The following IFI44 variants were observed in gnomAD, a reference collection of about 807,000 sequenced individuals.
IFI44 encodes interferon-induced protein 44.
Under a neutral mutation model 45.0 loss-of-function variants are expected in IFI44, and 42 were observed. The ratio of observed to expected loss-of-function variants is 0.93; its 90% confidence interval spans 0.73 to 1.21. IFI44 has a LOEUF of 1.21. IFI44 is among the 50% of genes most tolerant of loss of function. The pLI, the probability that IFI44 is intolerant of heterozygous loss-of-function variation, is 0.00. For synonymous variants in IFI44, 221 were observed against 188.6 expected (o/e 1.17, Z -1.41); for missense variants, 623 against 525.8 (o/e 1.18, Z -1.81).
chr1:78,663,221 A>T (rs1251774367), intron 8 of IFI44: 32 of 985,066 alleles, frequency 3.2e-5, no homozygotes, highest in Non-Finnish European at 3.6e-5. Context: ...CTAGAACTGG[A>T]TTGGATTGGC....
intron 7 of IFI44, among the ~76,000 whole-genome samples, chr1:78,661,655 A>G (rs935362740): frequency 6.6e-6 from 1 of 152,168 alleles, no homozygotes; most frequent in Middle Eastern, 3.2e-3. Flanking sequence ...AAAGTTGACA[A>G]GAGATTATGT....
At chr1:78,661,783 G>A (rs1324874034) in intron 7 of IFI44, among the ~76,000 whole-genome samples, 2 of 152,050 alleles carry the variant, frequency 1.3e-5, no homozygotes, top group Non-Finnish European at 1.5e-5. Flanking sequence ...AACGGCACAG[G>A]GAAACGGCTT....
At chr1:78,652,229 A>G (rs557641086) in intron 2 of IFI44, among the ~76,000 whole-genome samples, 2 of 152,110 alleles carry the variant, frequency 1.3e-5, no homozygotes, top group Non-Finnish European at 2.9e-5. Flanking sequence ...TTACAGGCGG[A>G]CACCACCATC....
At position 78,659,385 on chromosome 1, in the gene IFI44, A is replaced by G. The variant is rs746402069; in HGVS notation, c.914A>G (p.His305Arg). The G allele has an allele frequency of 2.5e-6, 4 of 1,613,070 alleles. No individual in the cohort carries two copies. The highest frequency in any genetic ancestry group is 3.4e-6 in the Non-Finnish European group (4 of 1,179,230). Residue 305 changes from histidine (H) to arginine (R), a missense_variant, in exon 6 of 9, where the codon CAT becomes CGT. His to Arg is a conservative substitution (Grantham distance 29). Coordinates refer to ENST00000370747, the MANE Select transcript of IFI44 (RefSeq NM_006417.5). Reference sequence around the variant, plus strand: ...TCCCCATCGCTGAAGGACAGAATTCATTGTGTGGCATTTGTATTTGATGCC... The same window carrying G: ...TCCCCATCGCTGAAGGACAGAATTCGTTGTGTGGCATTTGTATTTGATGCC... ...IDSPSLKDRI[H>R]CVAFVFDASS...
chr1:78,654,453 G>A (rs1019732251), intron 3 of IFI44, among the ~76,000 whole-genome samples, 174 bp downstream of exon 3: 1 of 151,864 alleles, frequency 6.6e-6, no homozygotes, highest in African/African-American at 2.4e-5. Flanking sequence ...TTAAAAAAAA[G>A]GACACTGAGT....
intron 6 of IFI44, 114 bp from the exon 7 acceptor site, chr1:78,660,440 G>T: frequency 1.3e-6 from 1 of 745,848 alleles, no homozygotes; most frequent in Admixed American, 2.4e-5. Flanking sequence ...GGGTGTGGGG[G>T]ATCTTTCCAA....
In IFI44 at chr1:78,650,028, T is replaced by C. The variant is rs540686042; in HGVS notation, c.-11+123T>C. 18 of 470,236 alleles carry C rather than the reference T, an allele frequency of 3.8e-5. No individual in the cohort carries two copies. In the Admixed American group the frequency reaches 6.2e-4, roughly 16 times the overall value. The allele number at this position is 470,236 out of a possible 1,614,324, so 29.1% of individuals were successfully genotyped here. A position where few individuals can be genotyped will look rare whatever the true frequency, so the allele number is the denominator to read the frequency against. On this transcript the variant is annotated intron_variant, in intron 1 of 8. Coordinates refer to ENST00000370747, the MANE Select transcript of IFI44 (RefSeq NM_006417.5). ...TAATTTAAAAAACAATAATTTATAG[T>C]AAAAAATTAGCTAATGATTTTTTTG...
intron 5 of IFI44, among the ~76,000 whole-genome samples, chr1:78,657,115 A>T (rs1316520293): frequency 6.6e-6 from 1 of 151,966 alleles, no homozygotes; most frequent in Non-Finnish European, 1.5e-5. Flanking sequence ...TTCTCCTTAA[A>T]CATAGCCATA....
intron 5 of IFI44, among the ~76,000 whole-genome samples, chr1:78,658,621 C>T (rs1366197108): frequency 6.6e-6 from 1 of 152,094 alleles, no homozygotes; most frequent in Admixed American, 6.6e-5. Context: ...AATCTATCTT[C>T]CTTCTCTGCC....
At chr1:78,656,855 C>T (rs1389153220) in intron 5 of IFI44, among the ~76,000 whole-genome samples, 2 of 150,936 alleles carry the variant, frequency 1.3e-5, no homozygotes, top group African/African-American at 4.9e-5. Flanking sequence ...CTTGTAAATG[C>T]TGTTTATTTT....
intron 5 of IFI44, 115 bp downstream of exon 5, chr1:78,655,626 AG>A: frequency 1.0e-6 from 1 of 981,888 alleles, no homozygotes; most frequent in Non-Finnish European, 1.4e-6. Flanking sequence ...TGTCTCTTTT[AG>A]ATTTTTTTTT....
chr1:78,660,443 C>A, intron 6 of IFI44, 111 bp from the exon 7 acceptor site: 1 of 778,738 alleles, frequency 1.3e-6, no homozygotes, highest in Non-Finnish European at 2.1e-6. Flanking sequence ...TGTGGGGGAT[C>A]TTTCCAAATC....
rs553155997 is a variant in IFI44, at chr1:78,663,770, C to T, written c.1294C>T (p.Leu432=). The T allele has an allele frequency of 1.1e-5, 17 of 1,611,590 alleles. No individual in the cohort carries two copies. Among genetic ancestry groups the T allele is most frequent in the Middle Eastern group, 3.3e-4 (2 of 6,050 alleles). ...EDLPFEQIGN[L]REEIINCAQG... is the part of the protein sequence containing the mutation. ...TTTTGTGTTTCTTTTCTCAGGGAAT[C>T]TAAGGGAGGAAATTATCAACTGTGC... The change falls in exon 9 of 9, where the codon CTA becomes TTA. Residue 432 remains leucine (L), a synonymous_variant. Coordinates refer to ENST00000370747, the MANE Select transcript of IFI44 (RefSeq NM_006417.5).
intron 3 of IFI44, among the ~76,000 whole-genome samples, chr1:78,654,523 T>C (rs1339744955): frequency 6.6e-6 from 1 of 152,120 alleles, no homozygotes; most frequent in Non-Finnish European, 1.5e-5. Context: ...TTTGTATGTC[T>C]GTGTTTTGCT....
rs983599545 is a variant in IFI44, at chr1:78,663,983, T to A, written c.*172T>A. 2.0e-5 allele frequency: 9 copies of A among 441,672 alleles called. No homozygotes were observed. The highest frequency in any genetic ancestry group is 5.9e-4 in the Middle Eastern group (1 of 1,694). 27.4% of individuals were successfully genotyped at this position (441,672 alleles called of 1,614,324 possible). On this transcript the variant is annotated 3_prime_UTR_variant, in exon 9 of 9. Coordinates refer to ENST00000370747, the MANE Select transcript of IFI44 (RefSeq NM_006417.5). ...TACTTGTAAATAACTAGAAATAACA[T>A]GATTTAGTCATAATTGTGAAAAATA...
chr1:78,663,905 A>G lies in IFI44; in HGVS notation c.*94A>G, dbSNP rs1647616400. 2.6e-6 allele frequency: 3 copies of G among 1,162,636 alleles called. No individual in the cohort carries two copies. In the South Asian group the frequency reaches 4.5e-5, roughly 18 times the overall value. The allele number at this position is 1,162,636 out of a possible 1,614,324, so 72.0% of individuals were successfully genotyped here. A position where few individuals can be genotyped will look rare whatever the true frequency, so the allele number is the denominator to read the frequency against. On this transcript the variant is annotated 3_prime_UTR_variant, in exon 9 of 9. Transcript: ENST00000370747. ...GACCAAAGAGAAGTATCTAAGACCA[A>G]AGGGATGTGTTTTATTAATGTCTAG...
intron 5 of IFI44, among the ~76,000 whole-genome samples, chr1:78,659,084 G>A (rs772215742): frequency 6.6e-6 from 1 of 151,928 alleles, no homozygotes; most frequent in African/African-American, 2.4e-5. Context: ...TGCTATTTTA[G>A]CTCTCAGATT....
At chr1:78,657,701 T>G (rs1174945220) in intron 5 of IFI44, among the ~76,000 whole-genome samples, 1 of 152,076 alleles carries the variant, frequency 6.6e-6, no homozygotes, top group Admixed American at 6.5e-5. Context: ...ATGCTTGAAA[T>G]TTTTGCCTTT....
intron 5 of IFI44, among the ~76,000 whole-genome samples, chr1:78,656,518 AT>A (rs1303117584): frequency 1.3e-5 from 2 of 152,048 alleles, no homozygotes; most frequent in Admixed American, 6.5e-5. Flanking sequence ...CATTTTAATT[AT>A]TTTAATTACT....
Sources: gnomAD v4.1 joint callset for allele counts (sites outside exome capture counted in the v4.1 genomes callset) on GRCh38, gnomAD v4.1.1 for gene constraint, MANE v1.5 for transcripts, NCBI Gene and HGNC (gene_info 2026-07-23, HGNC 2026-07-21) for gene names.